CCDC138: variants seen among roughly 807,000 people sequenced by gnomAD.
The protein encoded by CCDC138 is coiled-coil domain-containing protein 138.
Under a neutral mutation model 82.3 loss-of-function variants are expected in CCDC138, and 66 were observed. The observed-to-expected ratio is 0.80, with a 90% CI of 0.66 to 0.98. The LOEUF is 0.98. Among genes scored for constraint, CCDC138 ranks in the 50% least tolerant of loss-of-function variants. CCDC138 has a pLI of 0.00. For synonymous variants in CCDC138, 297 were observed against 265.4 expected, an observed-to-expected ratio of 1.12 and a Z score of -1.16; for missense variants, 816 against 758.9, an observed-to-expected ratio of 1.08 and a Z score of -0.88.
Position 108,794,559 on chromosome 2 carries a change from G to T in CCDC138, c.414G>T (p.Thr138=), listed in dbSNP as rs572852313. 22 of 1,609,546 alleles carry T rather than the reference G, an allele frequency of 1.4e-5. No homozygotes were observed. The highest frequency in any genetic ancestry group is 1.9e-5 in the Non-Finnish European group (22 of 1,178,218). ...TTGCAGTTGCCTTGCCAACTAATACGACCTCATCGAGACCTCGGACTGAGT... is the reference window on the plus strand; with the variant it reads ...TTGCAGTTGCCTTGCCAACTAATACTACCTCATCGAGACCTCGGACTGAGT... The part of the protein sequence containing the change: ...EIEKVALPTN[T]TSSRPRTECC... The change falls in exon 5 of 15, where the codon ACG becomes ACT. Residue 138 remains threonine (T), a synonymous_variant. Coordinates refer to ENST00000295124, the MANE Select transcript of CCDC138 (RefSeq NM_144978.3).
chr2:108,842,234 T>A (rs1689626406), intron 11 of CCDC138, among the ~76,000 whole-genome samples: 1 of 151,902 alleles, frequency 6.6e-6, no homozygotes, highest in Admixed American at 6.6e-5. Context: ...AGGCATTGTC[T>A]TGCTTTGTTG....
chr2:108,815,887 T>C, intron 9 of CCDC138, 54 bp from the exon 10 acceptor site: 1 of 1,449,916 alleles, frequency 6.9e-7, no homozygotes, highest in Non-Finnish European at 9.4e-7. Context: ...GGTTTGTCTT[T>C]GAAGTTTTAT....
At chr2:108,845,860 C>T (rs916155244) in intron 11 of CCDC138, among the ~76,000 whole-genome samples, 3 of 152,110 alleles carry the variant, frequency 2.0e-5, no homozygotes, top group Admixed American at 6.5e-5. Flanking sequence ...CGTGAGCCAC[C>T]GCGCCCAGCC....
chr2:108,845,713 G>A (rs894740479), intron 11 of CCDC138, among the ~76,000 whole-genome samples: 43 of 151,672 alleles, frequency 2.8e-4, no homozygotes, highest in Non-Finnish European at 5.3e-4. Flanking sequence ...CTGGGACTAT[G>A]GGCACCCGCC....
chr2:108,793,599 G>A (rs1364258591), intron 4 of CCDC138, among the ~76,000 whole-genome samples: 1 of 150,502 alleles, frequency 6.6e-6, no homozygotes, highest in Non-Finnish European at 1.5e-5. Flanking sequence ...TTTTTGTTTT[G>A]TTTTGTTTTT....
At chr2:108,868,917 A>T (rs1029455076) in intron 13 of CCDC138, among the ~76,000 whole-genome samples, 8 of 151,496 alleles carry the variant, frequency 5.3e-5, no homozygotes, top group Admixed American at 1.3e-4. Flanking sequence ...AAAAAATGAA[A>T]TTTTTTTCTA....
intron 10 of CCDC138, among the ~76,000 whole-genome samples, chr2:108,834,173 A>G (rs1449510402): frequency 2.7e-5 from 4 of 149,414 alleles, no homozygotes; most frequent in Non-Finnish European, 5.9e-5. Context: ...TTATCTGTTA[A>G]TGCTGATCTG....
intron 10 of CCDC138, among the ~76,000 whole-genome samples, chr2:108,828,697 G>A (rs1040401727): frequency 6.6e-6 from 1 of 152,104 alleles, no homozygotes; most frequent in Non-Finnish European, 1.5e-5. Flanking sequence ...AATTTAACTC[G>A]GCTGGGCGTG....
At chr2:108,869,590 A>G (rs1275419026) in intron 13 of CCDC138, among the ~76,000 whole-genome samples, 1 of 152,212 alleles carries the variant, frequency 6.6e-6, no homozygotes, top group East Asian at 1.9e-4. Context: ...GGAAGAGGTT[A>G]TGCACAGAGG....
intron 10 of CCDC138, among the ~76,000 whole-genome samples, chr2:108,824,727 G>A (rs964037311): frequency 1.3e-4 from 19 of 151,944 alleles, no homozygotes; most frequent in Non-Finnish European, 1.5e-5. Context: ...CATAACAAAT[G>A]TATGTGTTAT....
chr2:108,802,423 C>G (rs1682080124), intron 6 of CCDC138, among the ~76,000 whole-genome samples: 1 of 141,536 alleles, frequency 7.1e-6, no homozygotes, highest in African/African-American at 2.9e-5. Flanking sequence ...TGATGTGGCT[C>G]TCTGTTTGTC....
chr2:108,791,565 G>A (rs1314971607), intron 3 of CCDC138, 110 bp from the exon 4 acceptor site: 1 of 1,307,110 alleles, frequency 7.7e-7, no homozygotes, highest in Non-Finnish European at 1.1e-6. Context: ...TTTAAAAAAT[G>A]TTTTTACATT....
At chr2:108,850,397 T>A (rs1191255971) in intron 12 of CCDC138, among the ~76,000 whole-genome samples, 5 of 152,176 alleles carry the variant, frequency 3.3e-5, no homozygotes, top group African/African-American at 1.2e-4. Context: ...TTATATTGAA[T>A]AGACTGTTCA....
chr2:108,787,961 T>C lies in CCDC138; in HGVS notation c.94-71T>C. The C allele has an allele frequency of 3.2e-6, 4 of 1,241,794 alleles. 1 individual carries two copies. Among genetic ancestry groups the C allele is most frequent in the Non-Finnish European group, 4.4e-6 (4 of 898,884 alleles). The allele number at this position is 1,241,794 out of a possible 1,614,324, so 76.9% of individuals were successfully genotyped here. ...TAACCTTTGTAATTAATACATAATT[T>C]GTGGGGAAATATTTTGAGACAGTAA... On this transcript the variant is annotated intron_variant, in intron 1 of 14. Transcript: ENST00000295124.
chr2:108,854,042 A>G (rs1258533626), intron 12 of CCDC138, among the ~76,000 whole-genome samples: 1 of 113,364 alleles, frequency 8.8e-6, no homozygotes, highest in Non-Finnish European at 1.7e-5. Flanking sequence ...TATATAATAT[A>G]TAATAAATTT....
chr2:108,859,291 G>C (rs1693172143), intron 13 of CCDC138, among the ~76,000 whole-genome samples: 1 of 152,110 alleles, frequency 6.6e-6, no homozygotes, highest in Non-Finnish European at 1.5e-5. Context: ...GTAGATTCTG[G>C]ATATTAGTCC....
chr2:108,880,852 GATAAC>G (rs1425967653), downstream of CCDC138, among the ~76,000 whole-genome samples: 1 of 152,282 alleles, frequency 6.6e-6, no homozygotes, highest in African/African-American at 2.4e-5. Context: ...TTCCATGCCT[GATAAC>G]ATAACATCCA....
Position 108,853,562 on chromosome 2 carries a change from T to G in CCDC138, c.1517-3232T>G, listed in dbSNP as rs926062963. Reference sequence around the variant, plus strand: ...TTTTTTGAGAGATGGGATCTCACGCTATCACTCAGGCTGGAATGCAGTGGT... The same window carrying G: ...TTTTTTGAGAGATGGGATCTCACGCGATCACTCAGGCTGGAATGCAGTGGT... On this transcript the variant is annotated intron_variant, in intron 12 of 14. Transcript: ENST00000295124. 2.0e-5 allele frequency among the ~76,000 whole-genome samples: 3 copies of G among 150,786 alleles called. No individual in the cohort carries two copies. In the East Asian group the frequency reaches 5.8e-4, roughly 29 times the overall value.
In CCDC138 at chr2:108,805,005, A is replaced by C; in HGVS notation, c.852A>C (p.Lys284Asn). 6.6e-7 allele frequency: 1 copy of C among 1,516,462 alleles called. No individual in the cohort carries two copies. The highest frequency in any genetic ancestry group is 8.8e-7 in the Non-Finnish European group (1 of 1,131,758). 93.9% of individuals were successfully genotyped at this position (1,516,462 alleles called of 1,614,324 possible). A position where few individuals can be genotyped will look rare whatever the true frequency, so the allele number is the denominator to read the frequency against. ...ALKELNDTLK[K>N]QLNEASEENR... is the part of the protein sequence containing the mutation. Reference sequence around the variant, plus strand: ...AAGAATTGAATGATACCTTAAAAAAACAGGTAAGACCTGTTTTAATATATA... The same window carrying C: ...AAGAATTGAATGATACCTTAAAAAACCAGGTAAGACCTGTTTTAATATATA... Residue 284 changes from lysine (K) to asparagine (N), a missense_variant, in exon 7 of 15, where the codon AAA becomes AAC. Coordinates refer to ENST00000295124, the MANE Select transcript of CCDC138 (RefSeq NM_144978.3).
Sources: gnomAD v4.1 joint callset for allele counts (sites outside exome capture counted in the v4.1 genomes callset) on GRCh38, gnomAD v4.1.1 for gene constraint, MANE v1.5 for transcripts, NCBI Gene and HGNC (gene_info 2026-07-23, HGNC 2026-07-21) for gene names.